Variants in EML3 observed in about 807,000 individuals in gnomAD.
The protein encoded by EML3 is EMAP like 3.
EML3 carries 53 observed loss-of-function variants against 106.7 expected under a neutral mutation model. That is an observed-to-expected ratio of 0.50 (90% CI 0.40 to 0.62). EML3 has a LOEUF of 0.62. Among genes scored for constraint, EML3 ranks in the 20% least tolerant of loss-of-function variants. The probability of loss-of-function intolerance (pLI) is 0.00; values close to 1 mark genes in which losing one functional copy is unlikely to be tolerated. For synonymous variants in EML3, 499 were observed against 489.6 expected (o/e 1.02, Z -0.25); for missense variants, 994 against 1,209.1 (o/e 0.82, Z 2.64).
In EML3 at chr11:62,611,438, G is replaced by A. The variant is rs199907407; in HGVS notation, c.181C>T (p.Pro61Ser). The A allele has an allele frequency of 2.1e-4, 333 of 1,613,788 alleles. 1 individual carries two copies. Among genetic ancestry groups the A allele is most frequent in the Non-Finnish European group, 2.5e-4 (293 of 1,179,848 alleles). ...SSLQGSGTPA[P>S]PGDSLAAPPG... ...TGACATGCATACCTGTCCCCCGGAG[G>A]AGCTGGTGTGCCAGAGCCCTGCAGG... The change falls in exon 2 of 22, where the codon CCT (proline) becomes TCT (serine). Residue 61 changes from proline to serine, a missense_variant. This residue lies in a region of EML3 where 269 missense variants were observed against 265.1 expected (regional missense o/e 1.01). Transcript: ENST00000394773.
chr11:62,611,952 G>GC, intron 1 of EML3: 1 of 366,004 alleles, frequency 2.7e-6, no homozygotes, highest in Non-Finnish European at 5.0e-6. Flanking sequence ...CTCCCCACGC[G>GC]CCCCCAGCAA....
intron 1 of EML3, 86 bp from the exon 2 acceptor site, chr11:62,611,682 G>C (rs1381596690): frequency 3.5e-6 from 5 of 1,438,686 alleles, no homozygotes; most frequent in Admixed American, 2.4e-5. Flanking sequence ...AACTTTACAT[G>C]TGTCCGGTAG....
chr11:62,611,086 C>T lies in EML3; in HGVS notation c.452+1G>A, dbSNP rs1247335413. The T allele has an allele frequency of 1.3e-6, 2 of 1,598,604 alleles. No homozygotes were observed. The highest frequency in any genetic ancestry group is 1.3e-5 in the African/African-American group (1 of 74,850). ...CCGCCACAGGGCCACAGGACACCTACGTGTCAGCACGCTGTGGGGGCTGCA... is the reference window on the plus strand; with the variant it reads ...CCGCCACAGGGCCACAGGACACCTATGTGTCAGCACGCTGTGGGGGCTGCA... On this transcript the variant is annotated splice_donor_variant, in intron 3 of 21. Coordinates refer to ENST00000394773, the MANE Select transcript of EML3 (RefSeq NM_153265.3). LOFTEE classifies it high-confidence loss of function.
intron 10 of EML3, 134 bp downstream of exon 10, chr11:62,608,067 A>G: frequency 1.1e-6 from 1 of 924,370 alleles, no homozygotes; most frequent in Non-Finnish European, 1.7e-6. Context: ...ACTAAGGGTC[A>G]GAGAAGCTAG....
chr11:62,607,615 T>G, intron 11 of EML3, 51 bp downstream of exon 11: 1 of 1,580,954 alleles, frequency 6.3e-7, no homozygotes, highest in Non-Finnish European at 8.6e-7. Flanking sequence ...AGCCCAGTGC[T>G]TCCTCTTCCA....
Position 62,605,535 on chromosome 11 carries a change from A to C in EML3, c.1914+107T>G. ...GTAGCCAGTGCAGCCATACCAGTAC[A>C]AACTGGCCACCTCTGGGAGGCAGAA... On this transcript the variant is annotated intron_variant, in intron 15 of 21. Coordinates refer to ENST00000394773, the MANE Select transcript of EML3 (RefSeq NM_153265.3). This position sits in a 1 kb window ranked among gnomAD's most constrained non-coding sequence, Gnocchi z 5.2. The C allele has an allele frequency of 4.2e-6, 6 of 1,422,738 alleles. No individual in the cohort carries two copies. Among genetic ancestry groups the C allele is most frequent in the Non-Finnish European group, 5.6e-6 (6 of 1,065,072 alleles). 88.1% of individuals were successfully genotyped at this position (1,422,738 alleles called of 1,614,324 possible).
At chr11:62,607,636 C>T in intron 11 of EML3, 30 bp downstream of exon 11, 1 of 1,601,182 alleles carries the variant, frequency 6.2e-7, no homozygotes, top group Non-Finnish European at 8.5e-7. Flanking sequence ...CTCTGCCCTC[C>T]CCATCACCTT....
Position 62,612,594 on chromosome 11 carries a change from G to T in EML3, c.-137C>A. 1.2e-6 allele frequency: 1 copy of T among 866,892 alleles called. No homozygotes were observed. Among genetic ancestry groups the T allele is most frequent in the Non-Finnish European group, 1.6e-6 (1 of 637,548 alleles). 53.7% of individuals were successfully genotyped at this position (866,892 alleles called of 1,614,324 possible). ...CGTACCACCACCCCGAGGGGGCGCT[G>T]TCGGGCGCGGGGAAGGGGCCTGGAG... is the stretch of plus-strand genomic sequence containing the variant. On this transcript the variant is annotated 5_prime_UTR_variant, in exon 1 of 22. Coordinates refer to ENST00000394773, the MANE Select transcript of EML3 (RefSeq NM_153265.3).
Position 62,603,210 on chromosome 11 carries a change from G to A in EML3, c.2295C>T (p.Arg765=). ...CCCATTCCCGGTCTCGGCTCTCATA[G>A]CGATTCTTCAGCTGCTTGCAGCCTC... ...VAGGCKQLKN[R]YESRDREWAT... Residue 765 remains arginine, a synonymous_variant, in exon 20 of 22, where the codon CGC becomes CGT. Transcript: ENST00000394773. The A allele has an allele frequency of 6.2e-7, 1 of 1,614,030 alleles. No individual in the cohort carries two copies. The highest frequency in any genetic ancestry group is 8.5e-7 in the Non-Finnish European group (1 of 1,180,036).
Position 62,612,411 on chromosome 11 carries a change from G to A in EML3, c.22+25C>T, listed in dbSNP as rs1182708807. ...AGCCGGGCGCTCCGGGAAGGGGCAC[G>A]CCGCCCGCCCCGCCCCGTACTCACC... On this transcript the variant is annotated intron_variant, in intron 1 of 21. Coordinates refer to ENST00000394773, the MANE Select transcript of EML3 (RefSeq NM_153265.3). The A allele has an allele frequency of 4.7e-6, 7 of 1,500,472 alleles. No homozygotes were observed. The East Asian group carries it at 1.4e-4, about 30-fold the overall frequency. The allele number at this position is 1,500,472 out of a possible 1,614,324, so 92.9% of individuals were successfully genotyped here.
intron 4 of EML3, 140 bp from the exon 5 acceptor site, chr11:62,609,836 G>T: frequency 1.5e-6 from 1 of 687,166 alleles, no homozygotes; most frequent in Non-Finnish European, 2.4e-6. Flanking sequence ...GAGTATCAGG[G>T]CCCTAGTAGA....
In EML3 at chr11:62,603,236, C is replaced by T. The variant is rs1423734485; in HGVS notation, c.2269G>A (p.Gly757Arg). The T allele has an allele frequency of 9.9e-6, 16 of 1,613,574 alleles. No homozygotes were observed. Among genetic ancestry groups the T allele is most frequent in the Non-Finnish European group, 1.4e-5 (16 of 1,180,040 alleles). Residue 757 changes from glycine (G) to arginine (R), a missense_variant, in exon 20 of 22, where the codon GGA (glycine) becomes AGA (arginine). Gly to Arg is a moderately radical substitution (Grantham distance 125). Transcript: ENST00000394773. Reference sequence around the variant, plus strand: ...CGATTCTTCAGCTGCTTGCAGCCTCCAGCCACGTCCCCTGGGGAGAGGGAG... The same window carrying T: ...CGATTCTTCAGCTGCTTGCAGCCTCTAGCCACGTCCCCTGGGGAGAGGGAG... ...DYEILYWDVA[G>R]GCKQLKNRYE...
intron 12 of EML3, chr11:62,606,513 C>T (rs181923272): frequency 2.1e-6 from 1 of 481,316 alleles, no homozygotes; most frequent in East Asian, 3.8e-5. Context: ...GTGCTGCCCA[C>T]ACGCTTCTAG....
chr11:62,608,554 G>A lies in EML3; in HGVS notation c.1098C>T (p.Ala366=). The change falls in exon 9 of 22, where the codon GCC becomes GCT. Residue 366 remains alanine, a synonymous_variant. Transcript: ENST00000394773. ...AGGGCCAGCTCACCGCAGCTGAAAAGGCCAGGGCCCCAACACCCCGCTCGA... is the reference window on the plus strand; with the variant it reads ...AGGGCCAGCTCACCGCAGCTGAAAAAGCCAGGGCCCCAACACCCCGCTCGA... ...GAFERGVGAL[A]FSAADQGAFL... 1 of 1,613,802 alleles carries A rather than the reference G, an allele frequency of 6.2e-7. No homozygotes were observed. Among genetic ancestry groups the A allele is most frequent in the Non-Finnish European group, 8.5e-7 (1 of 1,179,982 alleles).
intron 1 of EML3, 112 bp from the exon 2 acceptor site, chr11:62,611,708 G>A: frequency 8.0e-7 from 1 of 1,252,416 alleles, no homozygotes; most frequent in East Asian, 2.6e-5. Context: ...CCCCTTTCAG[G>A]CAGCCCCAGG....
chr11:62,603,333 C>T, intron 19 of EML3, 86 bp from the exon 20 acceptor site: 1 of 1,308,956 alleles, frequency 7.6e-7, no homozygotes, highest in Non-Finnish European at 1.1e-6. Flanking sequence ...GAAAGACTGG[C>T]ATGAAACCCG....
In EML3 at chr11:62,602,465, C is replaced by T; in HGVS notation, c.*10G>A. On this transcript the variant is annotated 3_prime_UTR_variant, in exon 22 of 22. Coordinates refer to ENST00000394773, the MANE Select transcript of EML3 (RefSeq NM_153265.3). ...ACGCCGCCGGGCCAGTCGGTCCCGC[C>T]AGGCAGCGATCAAACGTCGAGGGAG... is the stretch of plus-strand genomic sequence containing the variant. The T allele has an allele frequency of 1.3e-6, 2 of 1,542,012 alleles. No homozygotes were observed. The highest frequency in any genetic ancestry group is 1.8e-6 in the Non-Finnish European group (2 of 1,141,708).
intron 20 of EML3, 25 bp downstream of exon 20, chr11:62,603,124 A>G (rs1225984796): frequency 6.2e-7 from 1 of 1,612,848 alleles, no homozygotes. Context: ...CCACCCTTCC[A>G]GCAGGTTTCC....
In EML3 at chr11:62,606,138, T is replaced by C; in HGVS notation, c.1581A>G (p.Thr527=). 5 of 1,614,136 alleles carry C rather than the reference T, an allele frequency of 3.1e-6. No homozygotes were observed. The highest frequency in any genetic ancestry group is 4.2e-6 in the Non-Finnish European group (5 of 1,180,038). The change falls in exon 13 of 22, where the codon ACA becomes ACG. Residue 527 remains threonine, a synonymous_variant. Coordinates refer to ENST00000394773, the MANE Select transcript of EML3 (RefSeq NM_153265.3). ...GGTCCCGCCCGCCACCACTCAGCAC[T>C]GTCCCGTCCCTCCGGAGACACAAGG... ...IFALCLRRDG[T]VLSGGGRDRR... is the part of the protein sequence containing the mutation.
Sources: gnomAD v4.1 joint callset for allele counts on GRCh38, gnomAD v4.1.1 for gene constraint, gnomAD v4.1.1 regional missense constraint, Gnocchi (gnomAD v3.1) non-coding constraint, MANE v1.5 for transcripts, NCBI Gene and HGNC (gene_info 2026-07-23, HGNC 2026-07-21) for gene names.